Variants in PLEKHG4B observed in about 807,000 individuals in gnomAD.
PLEKHG4B encodes pleckstrin homology and RhoGEF domain containing G4B.
A neutral mutation model predicts 121.3 loss-of-function variants in PLEKHG4B; 111 were observed. That is an observed-to-expected ratio of 0.92 (90% CI 0.78 to 1.07). PLEKHG4B has a LOEUF of 1.07. Ranked by LOEUF, PLEKHG4B falls within the 50% of genes least tolerant of loss-of-function variation. The pLI is 0.00. For synonymous variants in PLEKHG4B, 738 were observed against 725.0 expected (o/e 1.02, Z -0.29); for missense variants, 1,831 against 1,757.8 (o/e 1.04, Z -0.74).
intron 11 of PLEKHG4B, 123 bp from the exon 12 acceptor site, chr5:161,660 G>A: frequency 8.2e-7 from 1 of 1,217,362 alleles, no homozygotes; most frequent in Non-Finnish European, 1.2e-6. Flanking sequence ...AGAGGCAGCA[G>A]CAGGCAGCAC....
chr5:98,571 A>G, intron 1 of PLEKHG4B, among the ~76,000 whole-genome samples: 1 of 145,742 alleles, frequency 6.9e-6, no homozygotes, highest in African/African-American at 2.6e-5. Context: ...AGTAGCTGGG[A>G]CTACAGGCAT....
intron 2 of PLEKHG4B, among the ~76,000 whole-genome samples, chr5:132,825 G>A (rs1183631290): frequency 6.6e-6 from 1 of 152,188 alleles, no homozygotes; most frequent in Admixed American, 6.5e-5. Context: ...GTCGGGTGAT[G>A]TGATGCCTCC....
intron 1 of PLEKHG4B, among the ~76,000 whole-genome samples, chr5:110,452 AAC>A (rs1192212090): frequency 1.3e-5 from 2 of 149,780 alleles, no homozygotes; most frequent in African/African-American, 4.9e-5. Context: ...CACAATCTGC[AAC>A]ACACGTGCAC....
In PLEKHG4B at chr5:161,890, G is replaced by A. The variant is rs1402922937; in HGVS notation, c.2595G>A (p.Glu865=). The change falls in exon 12 of 20, where the codon GAG becomes GAA. Residue 865 remains glutamate, a synonymous_variant. Coordinates refer to ENST00000637938, the MANE Select transcript of PLEKHG4B (RefSeq NM_052909.5). ...TGAGCGCCGTGGTCAGCCAGGCTGA[G>A]TGCAGGGAGGGAGAGCTGGCCAGGT... ...RGLSAVVSQA[E]CREGELARWT... 1 of 1,613,566 alleles carries A rather than the reference G, an allele frequency of 6.2e-7. No individual in the cohort carries two copies. Among genetic ancestry groups the A allele is most frequent in the Non-Finnish European group, 8.5e-7 (1 of 1,180,004 alleles).
At chr5:164,920 GCTCACACTAATGCTGTGAC>G (rs2126443919) in intron 13 of PLEKHG4B, among the ~76,000 whole-genome samples, 1 of 65,358 alleles carries the variant, frequency 1.5e-5, no homozygotes, top group Admixed American at 1.3e-4. Context: ...ACGGGGCGGA[GCTCACACTAATGCTGTGAC>G]GGGGCGGGGC....
rs1314733897 is a variant in PLEKHG4B, at chr5:166,487, G to A, written c.3477-2853G>A. 6.3e-5 allele frequency among the ~76,000 whole-genome samples: 6 copies of A among 95,464 alleles called. 1 individual carries two copies. In the South Asian group the frequency reaches 1.5e-3, roughly 24 times the overall value. 62.6% of individuals were successfully genotyped at this position (95,464 alleles called of 152,430 possible). On this transcript the variant is annotated intron_variant, in intron 13 of 19. Transcript: ENST00000637938. ...GCTCACACTAATGCTCTGACGGGGC[G>A]GGGCTCACAGTAATCTTCTGACGGG...
In PLEKHG4B at chr5:144,917, G is replaced by T; in HGVS notation, c.1902G>T (p.Leu634Phe). ...APAVSQALSG[L>F]QNNTSPIIHS... Reference sequence around the variant, plus strand: ...CCGTCTCCCAGGCCCTCTCAGGATTGCAGGTACGGCAAGGTTGTCATATCC... The same window carrying T: ...CCGTCTCCCAGGCCCTCTCAGGATTTCAGGTACGGCAAGGTTGTCATATCC... The change falls in exon 6 of 20, where the codon TTG becomes TTT. Residue 634 changes from leucine to phenylalanine, a missense_variant. Physicochemically the swap from Leu to Phe is conservative, Grantham distance 22 (BLOSUM62 0). Transcript: ENST00000637938. 1.9e-6 allele frequency: 3 copies of T among 1,613,000 alleles called. No homozygotes were observed. The highest frequency in any genetic ancestry group is 2.5e-6 in the Non-Finnish European group (3 of 1,179,816).
In PLEKHG4B at chr5:151,499, C is replaced by A. The variant is rs775160952; in HGVS notation, c.1906-14C>A. ...GAAAGCTAATCAGTAATATTTATTTCTTATTTATTTCAGAACAACACATCT... is the reference window on the plus strand; with the variant it reads ...GAAAGCTAATCAGTAATATTTATTTATTATTTATTTCAGAACAACACATCT... On this transcript the variant is annotated splice_polypyrimidine_tract_variant and intron_variant, in intron 6 of 19. Coordinates refer to ENST00000637938, the MANE Select transcript of PLEKHG4B (RefSeq NM_052909.5). 1.3e-5 allele frequency: 19 copies of A among 1,495,990 alleles called. No individual in the cohort carries two copies. Among genetic ancestry groups the A allele is most frequent in the African/African-American group, 8.4e-5 (6 of 71,232 alleles). 92.7% of individuals were successfully genotyped at this position (1,495,990 alleles called of 1,614,324 possible).
At position 175,075 on chromosome 5, in the gene PLEKHG4B, C is replaced by T. The variant is rs572871910; in HGVS notation, c.4402+977C>T. Reference sequence around the variant, plus strand: ...CTCACACACGTGTCTCTCGTGTCCACAAGCGAACATAAGGCACTGCGGCAA... The same window carrying T: ...CTCACACACGTGTCTCTCGTGTCCATAAGCGAACATAAGGCACTGCGGCAA... On this transcript the variant is annotated intron_variant, in intron 18 of 19. Coordinates refer to ENST00000637938, the MANE Select transcript of PLEKHG4B (RefSeq NM_052909.5). Among the ~76,000 whole-genome samples the T allele has an allele frequency of 3.9e-5, 6 of 152,264 alleles. No homozygotes were observed. The South Asian group carries it at 1.2e-3, about 32-fold the overall frequency.
At chr5:125,310 T>C (rs1282283460) in intron 2 of PLEKHG4B, among the ~76,000 whole-genome samples, 1 of 152,200 alleles carries the variant, frequency 6.6e-6, no homozygotes, top group Non-Finnish European at 1.5e-5. Flanking sequence ...TTTTTTGTAG[T>C]AAAAGTCTTA....
At position 189,896 on chromosome 5, in the gene PLEKHG4B, G is replaced by A. The variant is rs1200413354; in HGVS notation, c.*7573G>A. ...CTGGGAAATGGCGTTACCTGCCACTGTTGTTAAGTGTTTACTTTGTATCAA... is the reference window on the plus strand; with the variant it reads ...CTGGGAAATGGCGTTACCTGCCACTATTGTTAAGTGTTTACTTTGTATCAA... On this transcript the variant is annotated 3_prime_UTR_variant, in exon 20 of 20. Transcript: ENST00000637938. 1 of 152,240 alleles carries A rather than the reference G, an allele frequency of 6.6e-6. No homozygotes were observed. The highest frequency in any genetic ancestry group is 2.4e-5 in the African/African-American group (1 of 41,452). The allele number at this position is 152,240 out of a possible 1,614,324, so 9.4% of individuals were successfully genotyped here. A position where few individuals can be genotyped will look rare whatever the true frequency, so the allele number is the denominator to read the frequency against.
intron 2 of PLEKHG4B, among the ~76,000 whole-genome samples, chr5:127,409 G>A (rs913854303): frequency 1.1e-4 from 16 of 149,196 alleles, no homozygotes; most frequent in African/African-American, 3.9e-4. Context: ...GGCCCAGCCT[G>A]AGGTGTAACC....
chr5:188,322 G>T lies in PLEKHG4B; in HGVS notation c.*5999G>T, dbSNP rs6898810. On this transcript the variant is annotated 3_prime_UTR_variant, in exon 20 of 20. Coordinates refer to ENST00000637938, the MANE Select transcript of PLEKHG4B (RefSeq NM_052909.5). ...TTTTCACACCTGCCTGATGTCCTGGGGGGGCTCACAGAGGACCGACCCTGC... is the reference window on the plus strand; with the variant it reads ...TTTTCACACCTGCCTGATGTCCTGGTGGGGCTCACAGAGGACCGACCCTGC... 1 of 152,204 alleles carries T rather than the reference G, an allele frequency of 6.6e-6. No individual in the cohort carries two copies. The highest frequency in any genetic ancestry group is 1.5e-5 in the Non-Finnish European group (1 of 68,112). 9.4% of individuals were successfully genotyped at this position (152,204 alleles called of 1,614,324 possible). A position where few individuals can be genotyped will look rare whatever the true frequency, so the allele number is the denominator to read the frequency against.
Position 143,275 on chromosome 5 carries a change from C to T in PLEKHG4B, c.1687+19C>T, listed in dbSNP as rs772733179. Reference sequence around the variant, plus strand: ...CTCCCAGGTGAGAGCACATGCCAGGCTCTCCTGTCAGGGCGGATCTGACAT... The same window carrying T: ...CTCCCAGGTGAGAGCACATGCCAGGTTCTCCTGTCAGGGCGGATCTGACAT... On this transcript the variant is annotated intron_variant, in intron 4 of 19. Coordinates refer to ENST00000637938, the MANE Select transcript of PLEKHG4B (RefSeq NM_052909.5). The T allele has an allele frequency of 6.2e-7, 1 of 1,609,448 alleles. No individual in the cohort carries two copies.
chr5:169,550 C>A lies in PLEKHG4B; in HGVS notation c.3687C>A (p.Cys1229Ter), dbSNP rs1736470522. Residue 1229 changes from cysteine to a stop codon, truncating the protein, a stop_gained, in exon 14 of 20, where the codon TGC becomes TGA. Transcript: ENST00000637938. LOFTEE classifies it high-confidence loss of function. ...QQHFLRELER[C>*]QHCPLAVGRS... ...ACTTCCTCCGGGAGCTGGAGCGCTG[C>A]CAGCACTGCCCCTTGGCCGTGGGCC... 1 of 1,613,746 alleles carries A rather than the reference C, an allele frequency of 6.2e-7. No homozygotes were observed. The highest frequency in any genetic ancestry group is 1.1e-5 in the South Asian group (1 of 91,094).
chr5:139,282 C>T lies in PLEKHG4B; in HGVS notation c.244-201C>T, dbSNP rs1196893903. Among the ~76,000 whole-genome samples the T allele has an allele frequency of 6.6e-6, 1 of 152,236 alleles. No homozygotes were observed. ...ATACAATTGCTTTTTTAACTGACCC[C>T]TGAACCAAAGAGCAGCCCGTGTTTT... is the stretch of plus-strand genomic sequence containing the variant. On this transcript the variant is annotated intron_variant, in intron 2 of 19. Coordinates refer to ENST00000637938, the MANE Select transcript of PLEKHG4B (RefSeq NM_052909.5). The surrounding 1 kb of genome is among the most constrained non-coding windows in gnomAD (Gnocchi z 5.0).
rs939557316 is a variant in PLEKHG4B, at chr5:173,208, G to A, written c.4221+141G>A. 4.9e-6 allele frequency: 4 copies of A among 809,950 alleles called. No individual in the cohort carries two copies. The East Asian group carries it at 1.1e-4, about 21-fold the overall frequency. 50.2% of individuals were successfully genotyped at this position (809,950 alleles called of 1,614,324 possible). The stretch of plus-strand genomic sequence containing the variant: ...AGCCGCACTGCGATGTTTGTTTTCT[G>A]CGGTTCTTGGGTAAATTCTTGAAAA... On this transcript the variant is annotated intron_variant, in intron 17 of 19. Coordinates refer to ENST00000637938, the MANE Select transcript of PLEKHG4B (RefSeq NM_052909.5).
intron 12 of PLEKHG4B, among the ~76,000 whole-genome samples, chr5:162,452 A>G (rs2126436586): frequency 7.0e-6 from 1 of 142,558 alleles, no homozygotes; most frequent in South Asian, 2.3e-4. Context: ...GATGTGGCAT[A>G]ACTGATCTAC....
rs990366346 is a variant in PLEKHG4B at position 113,485 on chromosome 5, A to G, written c.243+37A>G. ...CCTTGTAGCTCTGAGACCGTGGCCA[A>G]CCTGGAGGAACCTGCCCTTTCCCTG... On this transcript the variant is annotated intron_variant, in intron 2 of 19. Coordinates refer to ENST00000637938, the MANE Select transcript of PLEKHG4B (RefSeq NM_052909.5). This position sits in a 1 kb window ranked among gnomAD's most constrained non-coding sequence, Gnocchi z 5.2. The G allele has an allele frequency of 1.0e-5, 4 of 399,028 alleles. No individual in the cohort carries two copies. Among genetic ancestry groups the G allele is most frequent in the Non-Finnish European group, 1.3e-5 (3 of 226,088 alleles). 24.7% of individuals were successfully genotyped at this position (399,028 alleles called of 1,614,324 possible). A position where few individuals can be genotyped will look rare whatever the true frequency, so the allele number is the denominator to read the frequency against.
Sources: allele counts gnomAD v4.1 joint callset (sites outside exome capture counted in the v4.1 genomes callset), GRCh38; gene constraint gnomAD v4.1.1; non-coding constraint Gnocchi (gnomAD v3.1); transcripts MANE v1.5; gene names NCBI Gene and HGNC (gene_info 2026-07-23, HGNC 2026-07-21).